Variants in PCDHGA7 observed in about 807,000 individuals in gnomAD.
PCDHGA7 encodes the protein protocadherin gamma-A7.
PCDHGA7 carries 44 observed loss-of-function variants against 58.3 expected under a neutral mutation model. That is an observed-to-expected ratio of 0.75 (90% CI 0.59 to 0.97). The LOEUF (loss-of-function observed/expected upper bound fraction) is 0.97, where lower values mean the gene tolerates loss of function less well. Ranked by LOEUF, PCDHGA7 falls within the 50% of genes least tolerant of loss-of-function variation. PCDHGA7 has a pLI of 0.00. For synonymous variants in PCDHGA7, 516 were observed against 504.2 expected, an observed-to-expected ratio of 1.02 and a Z score of -0.31; for missense variants, 1,266 against 1,188.7, an observed-to-expected ratio of 1.06 and a Z score of -0.96.
Position 141,486,170 on chromosome 5 carries a change from C to A in PCDHGA7, c.2425-8637C>A. ...TGGGGGTTCTCCAGCCATGGAGCAACATTGCAGCCTTCGAGTGGATCTGCT... is the reference window on the plus strand; with the variant it reads ...TGGGGGTTCTCCAGCCATGGAGCAAAATTGCAGCCTTCGAGTGGATCTGCT... On this transcript the variant is annotated intron_variant, in intron 1 of 3. Coordinates refer to ENST00000518325, the MANE Select transcript of PCDHGA7 (RefSeq NM_018920.4). This position sits in a 1 kb window ranked among gnomAD's most constrained non-coding sequence, Gnocchi z 5.0. 6.2e-7 allele frequency: 1 copy of A among 1,614,234 alleles called. No homozygotes were observed. Among genetic ancestry groups the A allele is most frequent in the African/African-American group, 1.3e-5 (1 of 75,052 alleles).
chr5:141,433,048 G>T (rs777523454), intron 1 of PCDHGA7: 20 of 1,614,142 alleles, frequency 1.2e-5, no homozygotes, highest in Non-Finnish European at 1.5e-5. Flanking sequence ...CCACGGACTC[G>T]CGGAAGAGTC....
chr5:141,482,505 C>T (rs1183998287), intron 1 of PCDHGA7, among the ~76,000 whole-genome samples: 1 of 122,986 alleles, frequency 8.1e-6, no homozygotes, highest in African/African-American at 3.4e-5. Context: ...TTCTGGTACC[C>T]AGAGTACAGT....
intron 1 of PCDHGA7, chr5:141,427,988 T>C (rs555561265): frequency 6.3e-7 from 1 of 1,598,504 alleles, no homozygotes; most frequent in South Asian, 1.1e-5. Context: ...TGGGGCCCGA[T>C]GGCTCCGCAC....
Position 141,510,960 on chromosome 5 carries a change from G to C in PCDHGA7, c.2586G>C (p.Gly862=). The change falls in exon 4 of 4, where the codon GGG becomes GGC. Residue 862 remains glycine, a synonymous_variant. Transcript: ENST00000518325. ...CTGTCTCTGCAGAAGCTGCTGATGG[G>C]AGCTCCACCCTGGGAGGGGGTGCCG... The part of the protein sequence containing the change: ...ILASASEAAD[G]SSTLGGGAGT... 1 of 1,614,120 alleles carries C rather than the reference G, an allele frequency of 6.2e-7. No homozygotes were observed. Among genetic ancestry groups the C allele is most frequent in the Non-Finnish European group, 8.5e-7 (1 of 1,180,022 alleles).
At chr5:141,451,154 TTTTTGGTAGTATA>T (rs2098709149) in intron 1 of PCDHGA7, among the ~76,000 whole-genome samples, 1 of 152,152 alleles carries the variant, frequency 6.6e-6, no homozygotes, top group Non-Finnish European at 1.5e-5. Flanking sequence ...ACTAGACATT[TTTTTGGTAGTATA>T]TTATTTAGCC....
Position 141,432,267 on chromosome 5 carries a change from C to T in PCDHGA7, c.2424+46944C>T, listed in dbSNP as rs746089276. 4.3e-6 allele frequency: 7 copies of T among 1,614,244 alleles called. No homozygotes were observed. On this transcript the variant is annotated intron_variant, in intron 1 of 3. Transcript: ENST00000518325. The surrounding 1 kb of genome is among the most constrained non-coding windows in gnomAD (Gnocchi z 6.0). ...ACCATCCAAGGGGCAAGCCTATCGT[C>T]CTACGTGTCCATCAACTCCGACACT...
intron 1 of PCDHGA7, chr5:141,399,850 C>G (rs768366007): frequency 1.2e-6 from 2 of 1,612,828 alleles, no homozygotes; most frequent in Non-Finnish European, 1.7e-6. Context: ...CGATATGGTG[C>G]CGCGCGCTGC....
At chr5:141,469,885 C>A (rs1464434089) in intron 1 of PCDHGA7, among the ~76,000 whole-genome samples, 3 of 152,204 alleles carry the variant, frequency 2.0e-5, no homozygotes, top group African/African-American at 4.8e-5. Context: ...AATCTCGGCA[C>A]TTTGGGAAGC....
chr5:141,500,521 A>T lies in PCDHGA7; in HGVS notation c.2484-4872A>T, dbSNP rs185546944. 3.7e-3 allele frequency among the ~76,000 whole-genome samples: 560 copies of T among 152,176 alleles called. 5 individuals are homozygous for T. Among genetic ancestry groups the T allele is most frequent in the Admixed American group, 0.011 (162 of 15,280 alleles). On this transcript the variant is annotated intron_variant, in intron 2 of 3. Coordinates refer to ENST00000518325, the MANE Select transcript of PCDHGA7 (RefSeq NM_018920.4). Reference sequence around the variant, plus strand: ...ACCGCGCCTGGCCGAGCTTCATTTTAAAAAAATCTCATTCACCTAAATAAG... The same window carrying T: ...ACCGCGCCTGGCCGAGCTTCATTTTTAAAAAATCTCATTCACCTAAATAAG...
rs1377336206 is a variant in PCDHGA7, at chr5:141,382,989, T to C, written c.90T>C (p.Arg30=). ...CCCCCTGGGAAGCCTGGGCAGGACG[T>C]ATTCTCTACTCCGTGTCGGAGGAGA... is the stretch of plus-strand genomic sequence containing the variant. ...LGTPWEAWAG[R]ILYSVSEETD... The change falls in exon 1 of 4, where the codon CGT becomes CGC. Residue 30 remains arginine (R), a synonymous_variant. Transcript: ENST00000518325. 5 of 1,613,356 alleles carry C rather than the reference T, an allele frequency of 3.1e-6. No homozygotes were observed. Among genetic ancestry groups the C allele is most frequent in the East Asian group, 2.2e-5 (1 of 44,866 alleles).
intron 2 of PCDHGA7, among the ~76,000 whole-genome samples, chr5:141,501,026 G>A (rs1053442173): frequency 7.9e-5 from 12 of 151,608 alleles, no homozygotes; most frequent in Non-Finnish European, 1.5e-4. Flanking sequence ...GCGCCACCAC[G>A]CCCAGCTAAT....
At chr5:141,435,004 A>G (rs1481428383) in intron 1 of PCDHGA7, among the ~76,000 whole-genome samples, 1 of 152,096 alleles carries the variant, frequency 6.6e-6, no homozygotes, top group Non-Finnish European at 1.5e-5. Flanking sequence ...AGCTGAATTT[A>G]TCAATGATAA....
At chr5:141,475,764 C>T (rs2154573514) in intron 1 of PCDHGA7, among the ~76,000 whole-genome samples, 1 of 152,380 alleles carries the variant, frequency 6.6e-6, no homozygotes, top group South Asian at 2.1e-4. Flanking sequence ...CCGATACTGG[C>T]AAGGCGCTTT....
At position 141,511,146 on chromosome 5, in the gene PCDHGA7, G is replaced by T; in HGVS notation, c.2772G>T (p.Lys924Asn). 1 of 1,614,208 alleles carries T rather than the reference G, an allele frequency of 6.2e-7. No individual in the cohort carries two copies. Among genetic ancestry groups the T allele is most frequent in the Non-Finnish European group, 8.5e-7 (1 of 1,180,018 alleles). The change falls in exon 4 of 4, where the codon AAG becomes AAT. Residue 924 changes from lysine to asparagine, a missense_variant. Lys to Asn is a moderately conservative substitution (Grantham distance 94). Coordinates refer to ENST00000518325, the MANE Select transcript of PCDHGA7 (RefSeq NM_018920.4). Reference protein sequence around the residue: ...KAPAGGNGNKKKSGKKEKK With the variant: ...KAPAGGNGNKNKSGKKEKK The stretch of plus-strand genomic sequence containing the variant: ...CAGCAGGTGGCAATGGCAACAAGAA[G>T]AAGTCGGGCAAGAAGGAGAAGAAGT...
rs755254491 is a variant in PCDHGA7, at chr5:141,409,746, T to TCG, written c.2424+24427_2424+24428dup. On this transcript the variant is annotated intron_variant, in intron 1 of 3. Transcript: ENST00000518325. ...GTGAGCGCGCAGAGCGGGGTGGTGT[T>TCG]CGCGCAGCGCGCCTTTGATCACGAG... The TCG allele has an allele frequency of 3.1e-6, 5 of 1,613,024 alleles. No homozygotes were observed. The South Asian group carries it at 5.5e-5, about 18-fold the overall frequency.
intron 1 of PCDHGA7, among the ~76,000 whole-genome samples, chr5:141,448,837 C>CT (rs2098610093): frequency 6.6e-6 from 1 of 152,014 alleles, no homozygotes; most frequent in Non-Finnish European, 1.5e-5. Context: ...CCCAGCTACT[C>CT]TGGAGGCTGA....
intron 1 of PCDHGA7, chr5:141,426,597 T>C (rs2096946172): frequency 2.6e-6 from 1 of 377,476 alleles, no homozygotes. Context: ...TGTCATACCC[T>C]TAGAGATTGT....
intron 1 of PCDHGA7, chr5:141,399,694 A>G (rs1467163302): frequency 1.9e-6 from 3 of 1,613,454 alleles, no homozygotes; most frequent in Admixed American, 1.7e-5. Flanking sequence ...GCAGCTGCGC[A>G]CCTTCGAACT....
At chr5:141,423,619 T>C (rs1389600826) in intron 1 of PCDHGA7, 1 of 1,608,090 alleles carries the variant, frequency 6.2e-7, no homozygotes. Context: ...AGCTGAAGAC[T>C]CAGCTATCAT....
Sources: allele counts gnomAD v4.1 joint callset (sites outside exome capture counted in the v4.1 genomes callset), GRCh38; gene constraint gnomAD v4.1.1; non-coding constraint Gnocchi (gnomAD v3.1); transcripts MANE v1.5; gene names NCBI Gene and HGNC (gene_info 2026-07-23, HGNC 2026-07-21).